The following CPNE2 variants were observed in gnomAD, a reference collection of about 807,000 sequenced individuals.
The protein encoded by CPNE2 is copine-2.
A neutral mutation model predicts 69.7 loss-of-function variants in CPNE2; 42 were observed. The ratio of observed to expected loss-of-function variants is 0.60; its 90% CI spans 0.47 to 0.78. The LOEUF (loss-of-function observed/expected upper bound fraction) is 0.78, where lower values mean the gene tolerates loss of function less well. Ranked by LOEUF, CPNE2 falls within the 30% of genes least tolerant of loss-of-function variation. CPNE2 has a pLI of 0.00. For missense variants in CPNE2, 587 were observed against 732.0 expected (o/e 0.80, Z 2.29); for synonymous variants, 294 against 289.8 (o/e 1.01, Z -0.15).
chr16:57,113,322 A>G lies in CPNE2; in HGVS notation c.215A>G (p.Asn72Ser). The G allele has an allele frequency of 6.2e-7, 1 of 1,613,834 alleles. No homozygotes were observed. The highest frequency in any genetic ancestry group is 1.1e-5 in the South Asian group (1 of 91,058). ...ACAGAAACCGCGATCAACAACCTCA[A>G]CCCCGCCTTCTCCAAGAAGTTCGTG... is the stretch of plus-strand genomic sequence containing the variant. ...DRTETAINNL[N>S]PAFSKKFVLD... The change falls in exon 3 of 16, where the codon AAC becomes AGC. Residue 72 changes from asparagine (N) to serine (S), a missense_variant. Transcript: ENST00000290776.
chr16:57,109,475 CAAAAAA>C (rs1170223475), intron 1 of CPNE2, among the ~76,000 whole-genome samples: 2 of 94,606 alleles, frequency 2.1e-5, no homozygotes, highest in African/African-American at 7.7e-5. Context: ...GACTCTGCCT[CAAAAAA>C]AAAAAAAAAA....
At position 57,125,915 on chromosome 16, in the gene CPNE2, A is replaced by G; in HGVS notation, c.983A>G (p.His328Arg). Residue 328 changes from histidine (H) to arginine (R), a missense_variant, in exon 11 of 16, where the codon CAC becomes CGC. This residue lies in a region of CPNE2 where 269 missense variants were observed against 300.5 expected (regional missense o/e 0.90). Coordinates refer to ENST00000290776, the MANE Select transcript of CPNE2 (RefSeq NM_152727.6). ...AATCCCCTCGACCCTTCCTCTTTGC[A>G]CTATATCAACCCTATGGGCACCAAC... ...NGNPLDPSSL[H>R]YINPMGTNEY... 6.2e-7 allele frequency: 1 copy of G among 1,614,132 alleles called. No individual in the cohort carries two copies. Among genetic ancestry groups the G allele is most frequent in the Non-Finnish European group, 8.5e-7 (1 of 1,180,018 alleles).
chr16:57,113,516 C>G, intron 3 of CPNE2, 49 bp downstream of exon 3: 3 of 1,573,668 alleles, frequency 1.9e-6, no homozygotes, highest in Non-Finnish European at 2.6e-6. Flanking sequence ...GACCGGGCAA[C>G]CCCTCAAAAA....
chr16:57,124,885 T>C, intron 10 of CPNE2: 1 of 235,842 alleles, frequency 4.2e-6, no homozygotes. Flanking sequence ...CTGTTCCTCC[T>C]GCACGAGTTT....
intron 1 of CPNE2, 58 bp from the exon 2 acceptor site, chr16:57,110,650 G>A (rs2069674939): frequency 8.6e-7 from 1 of 1,159,318 alleles, no homozygotes; most frequent in Non-Finnish European, 1.2e-6. Context: ...GCCTCCCTAT[G>A]GTGGGGCAGC....
At chr16:57,102,114 AT>A (rs79474295) in intron 1 of CPNE2, among the ~76,000 whole-genome samples, 14 of 150,366 alleles carry the variant, frequency 9.3e-5, no homozygotes, top group African/African-American at 3.2e-4. Context: ...TGCCCAGCTA[AT>A]TTTTTTTTGC....
chr16:57,102,964 T>C (rs2069624541), intron 1 of CPNE2, among the ~76,000 whole-genome samples: 1 of 152,068 alleles, frequency 6.6e-6, no homozygotes, highest in African/African-American at 2.4e-5. Context: ...ATCCCCCAAA[T>C]TTTTTATCTA....
In CPNE2 at chr16:57,130,449, G is replaced by A. The variant is rs2069829649; in HGVS notation, c.1116+2546G>A. On this transcript the variant is annotated intron_variant, in intron 12 of 15. Coordinates refer to ENST00000290776, the MANE Select transcript of CPNE2 (RefSeq NM_152727.6). The surrounding 1 kb of genome is among the most constrained non-coding windows in gnomAD (Gnocchi z 4.1). ...GATGAAGCGGAGACTGAGCCCGGGG[G>A]CAGAGCAGGGAGGAAGTGAAGGAGG... Among the ~76,000 whole-genome samples, 1 of 152,110 alleles carries A rather than the reference G, an allele frequency of 6.6e-6. No homozygotes were observed. Among genetic ancestry groups the A allele is most frequent in the Admixed American group, 6.5e-5 (1 of 15,278 alleles).
chr16:57,125,232 C>G (rs927564461), intron 10 of CPNE2: 3 of 454,464 alleles, frequency 6.6e-6, no homozygotes, highest in Non-Finnish European at 1.3e-5. Flanking sequence ...GCCCATCAGC[C>G]CCGAGTCCCT....
chr16:57,103,497 G>A (rs575690000), intron 1 of CPNE2, among the ~76,000 whole-genome samples: 24 of 152,260 alleles, frequency 1.6e-4, no homozygotes, highest in Non-Finnish European at 2.8e-4. Flanking sequence ...TAGAATTTAC[G>A]ACAGGACATC....
intron 14 of CPNE2, among the ~76,000 whole-genome samples, chr16:57,138,111 A>G (rs1597505887): frequency 6.6e-6 from 1 of 152,082 alleles, no homozygotes; most frequent in Admixed American, 6.5e-5. Context: ...CGTGACGGGG[A>G]ATCAGGCACC....
At chr16:57,119,500 C>T in intron 6 of CPNE2, 61 bp from the exon 7 acceptor site, 1 of 1,458,854 alleles carries the variant, frequency 6.9e-7, no homozygotes, top group African/African-American at 1.4e-5. Context: ...ATTGGGCTGA[C>T]CCAACCCCAG....
intron 12 of CPNE2, among the ~76,000 whole-genome samples, chr16:57,133,660 C>G (rs2069854966): frequency 6.6e-6 from 1 of 152,200 alleles, no homozygotes; most frequent in African/African-American, 2.4e-5. Context: ...ACCCCTCCAC[C>G]CTCCTCATTG....
intron 1 of CPNE2, among the ~76,000 whole-genome samples, chr16:57,105,539 C>T (rs1323175786): frequency 6.6e-6 from 1 of 152,054 alleles, no homozygotes; most frequent in Non-Finnish European, 1.5e-5. Context: ...GGGCCCAAGC[C>T]ATTCTTCCAC....
At position 57,097,382 on chromosome 16, in the gene CPNE2, T is replaced by C. The variant is rs535665273; in HGVS notation, c.-36+4592T>C. Reference sequence around the variant, plus strand: ...AGAGGAACTGCTTAAGAAACATCTGTTGAACAACCAAATGGATGGCTGCAT... The same window carrying C: ...AGAGGAACTGCTTAAGAAACATCTGCTGAACAACCAAATGGATGGCTGCAT... On this transcript the variant is annotated intron_variant, in intron 1 of 15. Transcript: ENST00000290776. Among the ~76,000 whole-genome samples the C allele has an allele frequency of 2.6e-5, 4 of 152,198 alleles. No individual in the cohort carries two copies. In the East Asian group the frequency reaches 7.7e-4, roughly 29 times the overall value.
At chr16:57,101,361 A>G (rs1476070099) in intron 1 of CPNE2, among the ~76,000 whole-genome samples, 1 of 152,182 alleles carries the variant, frequency 6.6e-6, no homozygotes, top group African/African-American at 2.4e-5. Flanking sequence ...GAAGGAGGCA[A>G]TTTAGACCTG....
At chr16:57,126,957 C>G (rs8059545) in intron 11 of CPNE2, among the ~76,000 whole-genome samples, 7,913 of 152,284 alleles carry the variant, frequency 0.052, 442 homozygotes, top group African/African-American at 0.14. Flanking sequence ...TCATCAGTCT[C>G]CCTGCTTCTG....
At chr16:57,115,700 C>A in intron 4 of CPNE2, 150 bp downstream of exon 4, 1 of 582,302 alleles carries the variant, frequency 1.7e-6, no homozygotes, top group Non-Finnish European at 3.0e-6. Context: ...TCTTAGCAAC[C>A]GGCTGCTGGC....
chr16:57,105,015 G>A (rs2069639471), intron 1 of CPNE2, among the ~76,000 whole-genome samples: 1 of 152,152 alleles, frequency 6.6e-6, no homozygotes, highest in Non-Finnish European at 1.5e-5. Context: ...TGGATGAGGA[G>A]GTCACAGGAA....
Sources: allele counts gnomAD v4.1 joint callset (sites outside exome capture counted in the v4.1 genomes callset), GRCh38; gene constraint gnomAD v4.1.1; regional missense constraint gnomAD v4.1.1; non-coding constraint Gnocchi (gnomAD v3.1); transcripts MANE v1.5; gene names NCBI Gene and HGNC (gene_info 2026-07-23, HGNC 2026-07-21).